The following KCNIP1 variants were observed in gnomAD, a reference collection of about 807,000 sequenced individuals.
KCNIP1 encodes A-type potassium channel modulatory protein KCNIP1.
Under a neutral mutation model 33.0 loss-of-function variants are expected in KCNIP1, and 18 were observed. That is an observed-to-expected ratio of 0.55 (90% confidence interval 0.38 to 0.81). The LOEUF is 0.81. Among genes scored for constraint, KCNIP1 ranks in the 30% least tolerant of loss-of-function variants. The pLI, the probability that KCNIP1 is intolerant of heterozygous loss-of-function variation, is 0.00. For missense variants in KCNIP1, 238 were observed against 271.6 expected (o/e 0.88, Z 0.87); for synonymous variants, 93 against 98.3 (o/e 0.95, Z 0.32).
intron 1 of KCNIP1, among the ~76,000 whole-genome samples, chr5:170,668,355 A>G (rs563053957): frequency 1.3e-5 from 2 of 152,314 alleles, no homozygotes; most frequent in Admixed American, 6.5e-5. Context: ...GGTCCCTGCT[A>G]GGACAAAGGA....
intron 2 of KCNIP1, among the ~76,000 whole-genome samples, chr5:170,719,598 C>A (rs1400496500): frequency 6.6e-6 from 1 of 152,164 alleles, no homozygotes; most frequent in Non-Finnish European, 1.5e-5. Context: ...TGGTCACCCT[C>A]CCTCCAGGTG....
At chr5:170,359,318 G>A (rs1763438989) in intron 1 of KCNIP1, among the ~76,000 whole-genome samples, 1 of 152,222 alleles carries the variant, frequency 6.6e-6, no homozygotes, top group Non-Finnish European at 1.5e-5. Context: ...GAATTGAGGT[G>A]TTGCAGCTGT....
At chr5:170,522,865 A>T (rs1755416359) in intron 1 of KCNIP1, among the ~76,000 whole-genome samples, 1 of 152,238 alleles carries the variant, frequency 6.6e-6, no homozygotes, top group African/African-American at 2.4e-5. Flanking sequence ...TTTCCCTCTA[A>T]AGAGGACCTC....
chr5:170,357,411 C>T (rs2113280694), intron 1 of KCNIP1, among the ~76,000 whole-genome samples: 1 of 152,360 alleles, frequency 6.6e-6, no homozygotes, highest in South Asian at 2.1e-4. Flanking sequence ...GAGAGCCCCT[C>T]CGGGCTGGGA....
rs553079474 is a variant in KCNIP1, at chr5:170,410,242, C to T, written c.88+56278C>T. ...GGATTGCAGACATAGCATGGGTGCA[C>T]CTGGGTCCCCCACACAGGGGATCGC... On this transcript the variant is annotated intron_variant, in intron 1 of 7. Transcript: ENST00000377360. Among the ~76,000 whole-genome samples the T allele has an allele frequency of 5.3e-5, 8 of 152,314 alleles. No homozygotes were observed. The South Asian group carries it at 6.2e-4, about 12-fold the overall frequency.
At chr5:170,442,101 T>TA (rs1458250137) in intron 1 of KCNIP1, among the ~76,000 whole-genome samples, 9 of 152,130 alleles carry the variant, frequency 5.9e-5, no homozygotes, top group Non-Finnish European at 1.3e-4. Context: ...CCCAAACCTT[T>TA]ATGAAGCATC....
intron 1 of KCNIP1, among the ~76,000 whole-genome samples, chr5:170,472,434 T>A (rs987755597): frequency 6.6e-6 from 1 of 152,156 alleles, no homozygotes; most frequent in African/African-American, 2.4e-5. Context: ...TTTTAAAAAA[T>A]TTTATTTTTC....
At chr5:170,493,267 A>G (rs1431217375) in intron 1 of KCNIP1, among the ~76,000 whole-genome samples, 1 of 152,162 alleles carries the variant, frequency 6.6e-6, no homozygotes, top group Admixed American at 6.5e-5. Context: ...AGCTTGCACA[A>G]TGGGTTCTCA....
chr5:170,543,426 T>C (rs1213539140), intron 1 of KCNIP1, among the ~76,000 whole-genome samples: 1 of 152,222 alleles, frequency 6.6e-6, no homozygotes, highest in Non-Finnish European at 1.5e-5. Flanking sequence ...ATAAGTCTTT[T>C]TTATTGTCTA....
chr5:170,480,308 C>T (rs372679610), intron 1 of KCNIP1, among the ~76,000 whole-genome samples: 73 of 152,274 alleles, frequency 4.8e-4, no homozygotes, highest in African/African-American at 1.7e-3. Flanking sequence ...GGCCAGCCAG[C>T]TCTGGGGTTA....
chr5:170,609,972 G>A (rs1759081832), intron 1 of KCNIP1, among the ~76,000 whole-genome samples: 1 of 152,208 alleles, frequency 6.6e-6, no homozygotes, highest in Non-Finnish European at 1.5e-5. Context: ...AGCTAGAATG[G>A]AAAATGCATG....
At chr5:170,661,841 G>A (rs10045544) in intron 1 of KCNIP1, among the ~76,000 whole-genome samples, 30,187 of 152,150 alleles carry the variant, frequency 0.2, 3,847 homozygotes, top group African/African-American at 0.36. Context: ...GGAATCAGAC[G>A]CCAACCTGTC....
intron 1 of KCNIP1, among the ~76,000 whole-genome samples, chr5:170,675,427 G>A (rs1762094755): frequency 6.6e-6 from 1 of 152,136 alleles, no homozygotes; most frequent in Admixed American, 6.5e-5. Context: ...AGACCACCCT[G>A]GCCAACACGG....
rs111429962 is a variant in KCNIP1 at position 170,365,105 on chromosome 5, G to A, written c.88+11141G>A. On this transcript the variant is annotated intron_variant, in intron 1 of 7. Transcript: ENST00000377360. ...CTGTGAGGGCAGGGAATTTTGCCTG[G>A]CCTTGACTACTTCCCCAGCACCTGG... is the stretch of plus-strand genomic sequence containing the variant. Among the ~76,000 whole-genome samples, 16 of 152,238 alleles carry A rather than the reference G, an allele frequency of 1.1e-4. 1 individual carries two copies. The highest frequency in any genetic ancestry group is 3.6e-4 in the African/African-American group (15 of 41,532).
chr5:170,493,460 G>A (rs1022359969), intron 1 of KCNIP1, among the ~76,000 whole-genome samples: 4 of 152,296 alleles, frequency 2.6e-5, no homozygotes, highest in Admixed American at 2.0e-4. Flanking sequence ...TGCTCTGGGT[G>A]ACTCAGTCGC....
intron 1 of KCNIP1, among the ~76,000 whole-genome samples, chr5:170,451,186 C>T (rs1414553738): frequency 1.3e-5 from 2 of 152,108 alleles, no homozygotes; most frequent in Non-Finnish European, 2.9e-5. Context: ...CATGTCTAAA[C>T]GCAGATAAAA....
At chr5:170,450,727 T>C (rs1381439671) in intron 1 of KCNIP1, among the ~76,000 whole-genome samples, 2 of 152,162 alleles carry the variant, frequency 1.3e-5, no homozygotes, top group Non-Finnish European at 2.9e-5. Flanking sequence ...CCCTTCTCTT[T>C]CTCTGGCCAA....
intron 1 of KCNIP1, among the ~76,000 whole-genome samples, chr5:170,520,681 G>A (rs1275648973): frequency 6.6e-6 from 1 of 152,076 alleles, no homozygotes; most frequent in Admixed American, 6.5e-5. Flanking sequence ...CTTTACCTCC[G>A]CCTGAGCGTC....
chr5:170,604,276 A>G (rs1758811326), intron 1 of KCNIP1, among the ~76,000 whole-genome samples: 1 of 152,126 alleles, frequency 6.6e-6, no homozygotes, highest in Non-Finnish European at 1.5e-5. Flanking sequence ...GCTGAAATGG[A>G]CTTGGGAACA....
Sources: gnomAD v4.1 joint callset for allele counts (sites outside exome capture counted in the v4.1 genomes callset) on GRCh38, gnomAD v4.1.1 for gene constraint, MANE v1.5 for transcripts, NCBI Gene and HGNC (gene_info 2026-07-23, HGNC 2026-07-21) for gene names.